NOS1: variants seen among roughly 807,000 people sequenced by gnomAD.
The protein encoded by NOS1 is NOS type I.
Under a neutral mutation model 164.5 loss-of-function variants are expected in NOS1, and 51 were observed. The observed-to-expected ratio is 0.31, with a 90% CI of 0.25 to 0.39. NOS1 has a LOEUF of 0.39. Ranked by LOEUF, NOS1 falls within the 10% of genes least tolerant of loss-of-function variation. The pLI, the probability that NOS1 is intolerant of heterozygous loss-of-function variation, is 1.00. For missense variants in NOS1, 1,362 were observed against 1,885.6 expected (o/e 0.72, Z 5.14); for synonymous variants, 719 against 745.8 (o/e 0.96, Z 0.59).
intron 28 of NOS1, among the ~76,000 whole-genome samples, chr12:117,216,477 C>T (rs9658553): frequency 0.011 from 1,658 of 151,228 alleles, 30 homozygotes; most frequent in African/African-American, 0.038. Flanking sequence ...CCATCGCGCC[C>T]GGCCTTTTTT....
At position 117,211,061 on chromosome 12, in the gene NOS1, ATCCTCC is replaced by A; in HGVS notation, c.*4242_*4247del. 5 of 639,026 alleles carry A rather than the reference ATCCTCC, an allele frequency of 7.8e-6. No individual in the cohort carries two copies. The highest frequency in any genetic ancestry group is 9.7e-6 in the Non-Finnish European group (5 of 514,394). The allele number at this position is 639,026 out of a possible 1,614,324, so 39.6% of individuals were successfully genotyped here. A position where few individuals can be genotyped will look rare whatever the true frequency, so the allele number is the denominator to read the frequency against. On this transcript the variant is annotated 3_prime_UTR_variant, in exon 29 of 29. Transcript: ENST00000317775. ...AGCCTCCACCTCCTGGGCTCAAGCGATCCTCCTTCCTCAGCCTCCCAGGTAGCTGAG... is the reference window on the plus strand; with the variant it reads ...AGCCTCCACCTCCTGGGCTCAAGCGATTCCTCAGCCTCCCAGGTAGCTGAG...
intron 16 of NOS1, among the ~76,000 whole-genome samples, chr12:117,254,965 G>A (rs868687557): frequency 3.2e-4 from 48 of 152,132 alleles, no homozygotes; most frequent in Admixed American, 2.0e-4. Context: ...GCCTGGCATG[G>A]AAAGAGACTG....
rs561302035 is a variant in NOS1, at chr12:117,292,298, G to C, written c.853-1872C>G. Among the ~76,000 whole-genome samples, 431 of 152,300 alleles carry C rather than the reference G, an allele frequency of 2.8e-3. 3 individuals are homozygous for C. Among genetic ancestry groups the C allele is most frequent in the South Asian group, 0.017 (80 of 4,824 alleles). Reference sequence around the variant, plus strand: ...TGGAGGGGAGAAGGGCAAGTGCAAAGGCACTGACATGGGAATGAACTTGTT... The same window carrying C: ...TGGAGGGGAGAAGGGCAAGTGCAAACGCACTGACATGGGAATGAACTTGTT... On this transcript the variant is annotated intron_variant, in intron 3 of 28. Transcript: ENST00000317775.
rs934515638 is a variant in NOS1, at chr12:117,210,180, T to C, written c.*5129A>G. On this transcript the variant is annotated 3_prime_UTR_variant, in exon 29 of 29. Transcript: ENST00000317775. ...TTTTTTAGTAGAGACGAGATTGCGCTGTGTTGCCCAAGCTGGTCTCAAACT... is the reference window on the plus strand; with the variant it reads ...TTTTTTAGTAGAGACGAGATTGCGCCGTGTTGCCCAAGCTGGTCTCAAACT... 3 of 489,072 alleles carry C rather than the reference T, an allele frequency of 6.1e-6. No homozygotes were observed. Among genetic ancestry groups the C allele is most frequent in the Non-Finnish European group, 8.0e-6 (3 of 377,170 alleles). The allele number at this position is 489,072 out of a possible 1,614,324, so 30.3% of individuals were successfully genotyped here. A position where few individuals can be genotyped will look rare whatever the true frequency, so the allele number is the denominator to read the frequency against.
At chr12:117,255,384 T>C (rs1483705718) in intron 16 of NOS1, among the ~76,000 whole-genome samples, 2 of 150,552 alleles carry the variant, frequency 1.3e-5, no homozygotes, top group East Asian at 3.9e-4. Context: ...TTACAAAAAA[T>C]TAAAAAGAAA....
intron 18 of NOS1, among the ~76,000 whole-genome samples, chr12:117,247,107 A>G (rs1195575637): frequency 2.0e-5 from 3 of 152,114 alleles, no homozygotes; most frequent in Non-Finnish European, 4.4e-5. Flanking sequence ...AAGACTCTAT[A>G]TAATTTTTTT....
At chr12:117,326,985 G>A (rs545926120) in intron 2 of NOS1, among the ~76,000 whole-genome samples, 2 of 152,182 alleles carry the variant, frequency 1.3e-5, no homozygotes, top group South Asian at 4.1e-4. Flanking sequence ...AGGGTGCACT[G>A]GGATCCTCTG....
intron 1 of NOS1, among the ~76,000 whole-genome samples, chr12:117,350,405 A>G (rs1332553197): frequency 6.6e-6 from 1 of 152,172 alleles, no homozygotes; most frequent in Non-Finnish European, 1.5e-5. Flanking sequence ...CACCTCCTCA[A>G]TTAACTGGGT....
intron 3 of NOS1, 150 bp from the exon 4 acceptor site, chr12:117,290,576 G>A (rs1872982721): frequency 1.0e-6 from 1 of 971,422 alleles, no homozygotes; most frequent in South Asian, 1.9e-5. Flanking sequence ...AGCCCTTCCT[G>A]CTTGACATGT....
rs1444214607 is a variant in NOS1 at position 117,272,412 on chromosome 12, A to G, written c.1812T>C (p.Cys604=). 1 of 1,614,100 alleles carries G rather than the reference A, an allele frequency of 6.2e-7. No individual in the cohort carries two copies. Among genetic ancestry groups the G allele is most frequent in the South Asian group, 1.1e-5 (1 of 91,078 alleles). ...CCAGGATATTGTAGCGGGAGTTGTC[A>G]CAGTAGTCGCGGACACCAATCTCTG... ...MGTEIGVRDY[C]DNSRYNILEE... The change falls in exon 10 of 29, where the codon TGT becomes TGC. Residue 604 remains cysteine, a synonymous_variant. Transcript: ENST00000317775. The surrounding 1 kb of genome is among the most constrained non-coding windows in gnomAD (Gnocchi z 4.3).
intron 1 of NOS1, among the ~76,000 whole-genome samples, chr12:117,335,050 G>T (rs963099510): frequency 3.3e-5 from 5 of 152,182 alleles, no homozygotes; most frequent in African/African-American, 7.2e-5. Flanking sequence ...TGAGTAACGG[G>T]GAGGGTTAAA....
chr12:117,273,444 G>A (rs1872937649), intron 9 of NOS1, among the ~76,000 whole-genome samples: 1 of 152,174 alleles, frequency 6.6e-6, no homozygotes, highest in East Asian at 1.9e-4. Context: ...TGAGGCAGGT[G>A]TGGCACTATC....
At chr12:117,283,363 C>T (rs531799138) in intron 7 of NOS1, among the ~76,000 whole-genome samples, 1 of 152,298 alleles carries the variant, frequency 6.6e-6, no homozygotes, top group South Asian at 2.1e-4. Context: ...CGCCCAGCTG[C>T]ATGGTATACA....
At chr12:117,358,306 G>A (rs1876949662) in intron 1 of NOS1, among the ~76,000 whole-genome samples, 1 of 151,962 alleles carries the variant, frequency 6.6e-6, no homozygotes, top group South Asian at 2.1e-4. Flanking sequence ...CCCACTGGGA[G>A]CAGCCTAACC....
Position 117,290,234 on chromosome 12 carries a change from G to A in NOS1, c.981+64C>T, listed in dbSNP as rs1454530407. 3.8e-6 allele frequency: 6 copies of A among 1,587,458 alleles called. No individual in the cohort carries two copies. In the East Asian group the frequency reaches 6.7e-5, roughly 18 times the overall value. On this transcript the variant is annotated intron_variant, in intron 4 of 28. Coordinates refer to ENST00000317775, the MANE Select transcript of NOS1 (RefSeq NM_000620.5). ...CAGCCCCCACAACAAAGACTTATCC[G>A]ACTCCAAATGTGGATAGTGATGAAG... is the stretch of plus-strand genomic sequence containing the variant.
chr12:117,354,940 G>A (rs952895141), intron 1 of NOS1, among the ~76,000 whole-genome samples: 17 of 152,182 alleles, frequency 1.1e-4, no homozygotes, highest in African/African-American at 3.1e-4. Context: ...CTGAAGTTGC[G>A]TAAGCTTTTT....
rs1956585058 is a variant in NOS1 at position 117,215,164 on chromosome 12, G to A, written c.*145C>T. 6.0e-6 allele frequency: 8 copies of A among 1,328,690 alleles called. No homozygotes were observed. The South Asian group carries it at 1.7e-4, about 28-fold the overall frequency. 82.3% of individuals were successfully genotyped at this position (1,328,690 alleles called of 1,614,324 possible). A position where few individuals can be genotyped will look rare whatever the true frequency, so the allele number is the denominator to read the frequency against. ...CCAGGAGGGCCGAGGAAACCACTGA[G>A]GGGCGAGAAGCCCGAGGAGGGAAAC... On this transcript the variant is annotated 3_prime_UTR_variant, in exon 29 of 29. Transcript: ENST00000317775.
chr12:117,257,776 G>C (rs369051818), intron 16 of NOS1, among the ~76,000 whole-genome samples: 15 of 151,124 alleles, frequency 9.9e-5, no homozygotes, highest in African/African-American at 2.4e-5. Context: ...TTCTCAAAGA[G>C]GGAAAAAGAA....
chr12:117,273,128 G>A (rs1872915583), intron 9 of NOS1, among the ~76,000 whole-genome samples: 1 of 152,052 alleles, frequency 6.6e-6, no homozygotes, highest in African/African-American at 2.4e-5. Context: ...AGCTGGTCAG[G>A]GGATTTCATC....
Sources: gnomAD v4.1 joint callset for allele counts (sites outside exome capture counted in the v4.1 genomes callset) on GRCh38, gnomAD v4.1.1 for gene constraint, Gnocchi (gnomAD v3.1) non-coding constraint, MANE v1.5 for transcripts, NCBI Gene and HGNC (gene_info 2026-07-23, HGNC 2026-07-21) for gene names.